The following CCDC60 variants were observed in gnomAD, a reference collection of about 807,000 sequenced individuals.
The protein encoded by CCDC60 is coiled-coil domain-containing protein 60.
Under a neutral mutation model 63.5 loss-of-function variants are expected in CCDC60, and 54 were observed. That is an observed-to-expected ratio of 0.85 (90% confidence interval 0.68 to 1.07). The LOEUF is 1.07. Ranked by LOEUF, CCDC60 falls within the 50% of genes least tolerant of loss-of-function variation. The pLI, the probability that CCDC60 is intolerant of heterozygous loss-of-function variation, is 0.00. For synonymous variants in CCDC60, 206 were observed against 238.8 expected, an observed-to-expected ratio of 0.86 and a Z score of 1.27; for missense variants, 651 against 684.3, an observed-to-expected ratio of 0.95 and a Z score of 0.54.
intron 3 of CCDC60, among the ~76,000 whole-genome samples, chr12:119,476,295 A>G (rs544800657): frequency 6.6e-6 from 1 of 152,186 alleles, no homozygotes; most frequent in Non-Finnish European, 1.5e-5. Flanking sequence ...ATTGTGGTTG[A>G]GAGAAGACAT....
At chr12:119,441,371 G>A (rs978908058) in intron 2 of CCDC60, among the ~76,000 whole-genome samples, 1 of 152,150 alleles carries the variant, frequency 6.6e-6, no homozygotes, top group Non-Finnish European at 1.5e-5. Flanking sequence ...CACGCAATAA[G>A]CTCTATAATT....
At chr12:119,538,628 T>G (rs1953076147) in intron 13 of CCDC60, among the ~76,000 whole-genome samples, 1 of 152,228 alleles carries the variant, frequency 6.6e-6, no homozygotes, top group Non-Finnish European at 1.5e-5. Flanking sequence ...TGCATTGGGT[T>G]AGAACATGCT....
intron 11 of CCDC60, among the ~76,000 whole-genome samples, chr12:119,527,666 CT>C (rs869099213): frequency 0.037 from 3,136 of 84,788 alleles, 21 homozygotes; most frequent in Middle Eastern, 0.11. Context: ...TTCTTTCTTT[CT>C]TTTTTTTTTT....
At chr12:119,442,392 C>T (rs1226269508) in intron 2 of CCDC60, among the ~76,000 whole-genome samples, 1 of 152,126 alleles carries the variant, frequency 6.6e-6, no homozygotes, top group Non-Finnish European at 1.5e-5. Flanking sequence ...GGGGGTGGAT[C>T]GCCTTGAGCC....
intron 1 of CCDC60, among the ~76,000 whole-genome samples, chr12:119,401,724 C>T (rs1335218322): frequency 6.6e-6 from 1 of 152,208 alleles, no homozygotes; most frequent in African/African-American, 2.4e-5. Context: ...GGATATCATA[C>T]AAATATTCAA....
At chr12:119,513,618 A>G (rs1040060177) in intron 7 of CCDC60, among the ~76,000 whole-genome samples, 1 of 152,192 alleles carries the variant, frequency 6.6e-6, no homozygotes, top group Non-Finnish European at 1.5e-5. Context: ...TGACTTAACT[A>G]CAATCACGTG....
chr12:119,479,889 C>A (rs1228884322), intron 4 of CCDC60: 2 of 152,016 alleles, frequency 1.3e-5, no homozygotes, highest in Non-Finnish European at 2.9e-5. Flanking sequence ...TTAGCCGCAT[C>A]CATGGCCTCT....
intron 1 of CCDC60, among the ~76,000 whole-genome samples, chr12:119,342,761 A>G (rs1469454096): frequency 2.6e-5 from 4 of 152,216 alleles, no homozygotes; most frequent in Non-Finnish European, 5.9e-5. Context: ...AGAAAATCAA[A>G]TGAGACACTC....
intron 1 of CCDC60, among the ~76,000 whole-genome samples, chr12:119,403,402 C>A (rs1247414583): frequency 2.0e-5 from 3 of 152,164 alleles, no homozygotes; most frequent in African/African-American, 7.2e-5. Context: ...TACCGTCTAG[C>A]TGCCAGTCTG....
intron 1 of CCDC60, among the ~76,000 whole-genome samples, chr12:119,373,673 G>T (rs866301924): frequency 3.9e-5 from 5 of 126,730 alleles, no homozygotes; most frequent in Non-Finnish European, 6.6e-5. Context: ...GGGGTGGGGG[G>T]GGGTCTCAGT....
rs200941583 is a variant in CCDC60, at chr12:119,505,173, G to C, written c.753G>C (p.Gln251His). The change falls in exon 7 of 14, where the codon CAG becomes CAC. Residue 251 changes from glutamine (Q) to histidine (H), a missense_variant. Gln to His is a conservative substitution (Grantham distance 24). Coordinates refer to ENST00000327554, the MANE Select transcript of CCDC60 (RefSeq NM_178499.5). The stretch of plus-strand genomic sequence containing the variant: ...GGGCCAGTGGGGGGTCCTCTCCCCA[G>C]AGCAGCATGATCTCTGTGAACCCTG... ...LSRASGGSSP[Q>H]SSMISVNPGS... is the part of the protein sequence containing the mutation. 1.2e-6 allele frequency: 2 copies of C among 1,614,126 alleles called. No homozygotes were observed. Among genetic ancestry groups the C allele is most frequent in the East Asian group, 4.5e-5 (2 of 44,884 alleles).
intron 5 of CCDC60, among the ~76,000 whole-genome samples, chr12:119,496,234 C>G (rs1405617918): frequency 6.6e-6 from 1 of 152,188 alleles, no homozygotes; most frequent in African/African-American, 2.4e-5. Flanking sequence ...AGCTTTCCAC[C>G]CTGGGAAGCA....
intron 1 of CCDC60, among the ~76,000 whole-genome samples, chr12:119,337,910 A>G (rs2136139043): frequency 6.6e-6 from 1 of 151,262 alleles, no homozygotes; most frequent in Admixed American, 6.6e-5. Flanking sequence ...TACTCAAATA[A>G]ATGTAATAGA....
At chr12:119,357,910 T>C (rs1176837188) in intron 1 of CCDC60, among the ~76,000 whole-genome samples, 1 of 152,232 alleles carries the variant, frequency 6.6e-6, no homozygotes, top group Non-Finnish European at 1.5e-5. Context: ...TATGCTGGCA[T>C]CTGCTCAGCT....
Position 119,410,505 on chromosome 12 carries a change from C to G in CCDC60, c.91-18178C>G, listed in dbSNP as rs1344996418. On this transcript the variant is annotated intron_variant, in intron 1 of 13. Coordinates refer to ENST00000327554, the MANE Select transcript of CCDC60 (RefSeq NM_178499.5). This position sits in a 1 kb window ranked among gnomAD's most constrained non-coding sequence, Gnocchi z 4.0. ...AATGGCTTCTCAACAGCATTACCAG[C>G]TTCAGGAATGTTCTCTCCTGCCTCG... is the stretch of plus-strand genomic sequence containing the variant. 6.6e-6 allele frequency among the ~76,000 whole-genome samples: 1 copy of G among 152,122 alleles called. No homozygotes were observed. The highest frequency in any genetic ancestry group is 1.9e-4 in the East Asian group (1 of 5,168).
intron 1 of CCDC60, among the ~76,000 whole-genome samples, chr12:119,404,206 C>T (rs1384789656): frequency 1.3e-5 from 2 of 152,200 alleles, no homozygotes; most frequent in East Asian, 3.9e-4. Flanking sequence ...AGGAGAATCA[C>T]TTGAACCCGG....
intron 4 of CCDC60, among the ~76,000 whole-genome samples, chr12:119,480,809 T>C (rs1593150013): frequency 6.9e-6 from 1 of 145,050 alleles, no homozygotes; most frequent in Non-Finnish European, 1.5e-5. Context: ...ATCGTCACCA[T>C]CATCCTCACC....
intron 5 of CCDC60, among the ~76,000 whole-genome samples, chr12:119,492,618 A>G (rs1158918014): frequency 1.3e-5 from 2 of 152,150 alleles, no homozygotes; most frequent in Non-Finnish European, 2.9e-5. Context: ...ACCCAGAGGG[A>G]TTAGAGTGAT....
At chr12:119,431,767 C>T (rs1328978767) in intron 2 of CCDC60, among the ~76,000 whole-genome samples, 1 of 152,174 alleles carries the variant, frequency 6.6e-6, no homozygotes, top group Non-Finnish European at 1.5e-5. Context: ...CAACCTCCGC[C>T]TCCCGGGTTC....
Sources: allele counts gnomAD v4.1 joint callset (sites outside exome capture counted in the v4.1 genomes callset), GRCh38; gene constraint gnomAD v4.1.1; non-coding constraint Gnocchi (gnomAD v3.1); transcripts MANE v1.5; gene names NCBI Gene and HGNC (gene_info 2026-07-23, HGNC 2026-07-21).